PDHA2: variants seen among roughly 807,000 people sequenced by gnomAD.
PDHA2 encodes pyruvate dehydrogenase E1 component subunit alpha, testis-specific form, mitochondrial.
For missense variants in PDHA2, 533 were observed against 495.8 expected (o/e 1.07, Z -0.71); for synonymous variants, 188 against 185.9 (o/e 1.01, Z -0.09).
chr4:95,840,246 T>C lies in PDHA2; in HGVS notation c.96T>C (p.Ala32=), dbSNP rs1427918661. 1 of 1,614,086 alleles carries C rather than the reference T, an allele frequency of 6.2e-7. No individual in the cohort carries two copies. Among genetic ancestry groups the C allele is most frequent in the Non-Finnish European group, 8.5e-7 (1 of 1,179,896 alleles). ...CATCCCGTAACTCCTCAAATGACGCTACATTTGAAATTAAGAAATGTGATC... is the reference window on the plus strand; with the variant it reads ...CATCCCGTAACTCCTCAAATGACGCCACATTTGAAATTAAGAAATGTGATC... The part of the protein sequence containing the change: ...LVASRNSSND[A]TFEIKKCDLY... The change falls in exon 1 of 1, where the codon GCT becomes GCC. Residue 32 remains alanine, a synonymous_variant. Transcript: ENST00000295266.
chr4:95,840,214 C>T lies in PDHA2; in HGVS notation c.64C>T (p.Leu22=), dbSNP rs757182003. 3 of 1,614,130 alleles carry T rather than the reference C, an allele frequency of 1.9e-6. No homozygotes were observed. The highest frequency in any genetic ancestry group is 4.5e-5 in the East Asian group (2 of 44,860). Residue 22 remains leucine (L), a synonymous_variant, in exon 1 of 1, where the codon CTG becomes TTG. Coordinates refer to ENST00000295266, the MANE Select transcript of PDHA2 (RefSeq NM_005390.5). ...RVAQKSARRV[L]VASRNSSNDA... ...TGCCCAGAAATCAGCTCGCAGAGTG[C>T]TGGTGGCATCCCGTAACTCCTCAAA... is the stretch of plus-strand genomic sequence containing the variant.
rs371275508 is a variant in PDHA2 at position 95,840,477 on chromosome 4, G to A, written c.327G>A (p.Ser109=). 5.6e-6 allele frequency: 9 copies of A among 1,614,040 alleles called. No homozygotes were observed. The highest frequency in any genetic ancestry group is 1.7e-5 in the Admixed American group (1 of 60,004). ...CVGLEAGINP[S]DHVITSYRAH... is the part of the protein sequence containing the mutation. The stretch of plus-strand genomic sequence containing the variant: ...GCCTTGAGGCCGGCATAAACCCCTC[G>A]GATCACGTCATTACATCCTATAGGG... Residue 109 remains serine, a synonymous_variant, in exon 1 of 1, where the codon TCG becomes TCA. Transcript: ENST00000295266.
Position 95,841,443 on chromosome 4 carries a change from TAA to T in PDHA2, c.*129_*130del. The T allele has an allele frequency of 5.7e-6, 4 of 697,260 alleles. No homozygotes were observed. The highest frequency in any genetic ancestry group is 4.9e-6 in the Non-Finnish European group (2 of 408,176). The allele number at this position is 697,260 out of a possible 1,614,324, so 43.2% of individuals were successfully genotyped here. A position where few individuals can be genotyped will look rare whatever the true frequency, so the allele number is the denominator to read the frequency against. ...AAACAAAAGCCTTGTAAGCATTTAT[TAA>T]AAGAGATTATTAAAAGAGATTGAAA... On this transcript the variant is annotated 3_prime_UTR_variant, in exon 1 of 1. Coordinates refer to ENST00000295266, the MANE Select transcript of PDHA2 (RefSeq NM_005390.5).
rs763063009 is a variant in PDHA2, at chr4:95,840,736, G to A, written c.586G>A (p.Ala196Thr). ...CTGTTTGACTTTATATGGGGATGGC[G>A]CTGCGAATCAGGGGCAGATAGCCGA... ...EICLTLYGDG[A>T]ANQGQIAEAF... Residue 196 changes from alanine to threonine, a missense_variant, in exon 1 of 1, where the codon GCT becomes ACT. Ala to Thr is a moderately conservative substitution (Grantham distance 58). Transcript: ENST00000295266. 3 of 1,614,162 alleles carry A rather than the reference G, an allele frequency of 1.9e-6. No homozygotes were observed. The highest frequency in any genetic ancestry group is 2.2e-5 in the South Asian group (2 of 91,086).
In PDHA2 at chr4:95,840,985, C is replaced by T. The variant is rs1256929000; in HGVS notation, c.835C>T (p.Leu279=). The T allele has an allele frequency of 1.2e-6, 2 of 1,614,090 alleles. No individual in the cohort carries two copies. Among genetic ancestry groups the T allele is most frequent in the South Asian group, 1.1e-5 (1 of 91,084 alleles). Residue 279 remains leucine, a synonymous_variant, in exon 1 of 1, where the codon CTG becomes TTG. Coordinates refer to ENST00000295266, the MANE Select transcript of PDHA2 (RefSeq NM_005390.5). ...CTGTAGATCTGGAAAGGGGCCCATACTGATGGAGCTGCAAACCTACCGTTA... is the reference window on the plus strand; with the variant it reads ...CTGTAGATCTGGAAAGGGGCCCATATTGATGGAGCTGCAAACCTACCGTTA... ...NYCRSGKGPI[L]MELQTYRYHG...
chr4:95,840,297 T>C lies in PDHA2; in HGVS notation c.147T>C (p.Pro49=), dbSNP rs1489120213. 1.2e-6 allele frequency: 2 copies of C among 1,614,226 alleles called. No individual in the cohort carries two copies. Among genetic ancestry groups the C allele is most frequent in the Admixed American group, 3.3e-5 (2 of 60,028 alleles). The change falls in exon 1 of 1, where the codon CCT becomes CCC. Residue 49 remains proline (P), a synonymous_variant. Transcript: ENST00000295266. ...CDLYLLEEGP[P]VTTVLTRAEG... is the part of the protein sequence containing the mutation. ...TTTATCTGTTGGAAGAGGGTCCCCC[T>C]GTCACTACAGTGCTCACTAGGGCGG...
Position 95,840,575 on chromosome 4 carries a change from G to C in PDHA2, c.425G>C (p.Gly142Ala), listed in dbSNP as rs369750047. 6.2e-7 allele frequency: 1 copy of C among 1,614,202 alleles called. No homozygotes were observed. Among genetic ancestry groups the C allele is most frequent in the South Asian group, 1.1e-5 (1 of 91,088 alleles). ...ILAELTGRRG[G>A]CAKGKGGSMH... Reference sequence around the variant, plus strand: ...GCAGAGCTGACGGGAAGAAGAGGAGGTTGTGCTAAAGGAAAAGGAGGATCG... The same window carrying C: ...GCAGAGCTGACGGGAAGAAGAGGAGCTTGTGCTAAAGGAAAAGGAGGATCG... Residue 142 changes from glycine (G) to alanine (A), a missense_variant, in exon 1 of 1, where the codon GGT becomes GCT. Gly to Ala is a moderately conservative substitution (Grantham distance 60). Transcript: ENST00000295266.
chr4:95,841,370 CA>C lies in PDHA2; in HGVS notation c.*56del. On this transcript the variant is annotated 3_prime_UTR_variant, in exon 1 of 1. Coordinates refer to ENST00000295266, the MANE Select transcript of PDHA2 (RefSeq NM_005390.5). Reference sequence around the variant, plus strand: ...AGTCTCTCAATGGAATGTTCATGGTCAAATTTAAGAAACTGTGTTCTCAACT... The same window carrying C: ...AGTCTCTCAATGGAATGTTCATGGTCAATTTAAGAAACTGTGTTCTCAACT... 7.2e-7 allele frequency: 1 copy of C among 1,385,230 alleles called. No individual in the cohort carries two copies. Among genetic ancestry groups the C allele is most frequent in the Non-Finnish European group, 1.0e-6 (1 of 984,392 alleles). The allele number at this position is 1,385,230 out of a possible 1,614,324, so 85.8% of individuals were successfully genotyped here.
chr4:95,840,439 GCTTGTTGCGTGGGC>G lies in PDHA2; in HGVS notation c.294_307del (p.Cys98Ter). 6.2e-7 allele frequency: 1 copy of G among 1,614,234 alleles called. No individual in the cohort carries two copies. Among genetic ancestry groups the G allele is most frequent in the Non-Finnish European group, 8.5e-7 (1 of 1,180,052 alleles). On this transcript the variant is annotated frameshift_variant, in exon 1 of 1. Transcript: ENST00000295266. LOFTEE classifies it low-confidence loss of function (END_TRUNC). Reference sequence around the variant, plus strand: ...CTGTCACCTGTGCGATGGTCAGGAAGCTTGTTGCGTGGGCCTTGAGGCCGGCATAAACCCCTCGG... The same window carrying G: ...CTGTCACCTGTGCGATGGTCAGGAAGCTTGAGGCCGGCATAAACCCCTCGG...
rs1578313773 is a variant in PDHA2 at position 95,841,106 on chromosome 4, A to C, written c.956A>C (p.Gln319Pro). Residue 319 changes from glutamine to proline, a missense_variant, in exon 1 of 1, where the codon CAA becomes CCA. Coordinates refer to ENST00000295266, the MANE Select transcript of PDHA2 (RefSeq NM_005390.5). ...AAGAGGGATCCTATAATAATTCTCC[A>C]AGATAGAATGGTAAACAGCAAGCTC... The part of the protein sequence containing the change: ...RSKRDPIIIL[Q>P]DRMVNSKLAT... 5 of 1,614,154 alleles carry C rather than the reference A, an allele frequency of 3.1e-6. No homozygotes were observed. The highest frequency in any genetic ancestry group is 4.2e-6 in the Non-Finnish European group (5 of 1,179,988).
chr4:95,841,377 A>T lies in PDHA2; in HGVS notation c.*60A>T. On this transcript the variant is annotated 3_prime_UTR_variant, in exon 1 of 1. Coordinates refer to ENST00000295266, the MANE Select transcript of PDHA2 (RefSeq NM_005390.5). ...CAATGGAATGTTCATGGTCAAATTT[A>T]AGAAACTGTGTTCTCAACTCAAGGA... The T allele has an allele frequency of 7.5e-7, 1 of 1,336,866 alleles. No individual in the cohort carries two copies. The highest frequency in any genetic ancestry group is 1.1e-6 in the Non-Finnish European group (1 of 942,588). 82.8% of individuals were successfully genotyped at this position (1,336,866 alleles called of 1,614,324 possible). A position where few individuals can be genotyped will look rare whatever the true frequency, so the allele number is the denominator to read the frequency against.
In PDHA2 at chr4:95,841,398, A is replaced by C. The variant is rs1439077953; in HGVS notation, c.*81A>C. ...ATTTAAGAAACTGTGTTCTCAACTC[A>C]AGGAGGAATAAAACTCATAAAACAA... On this transcript the variant is annotated 3_prime_UTR_variant, in exon 1 of 1. Coordinates refer to ENST00000295266, the MANE Select transcript of PDHA2 (RefSeq NM_005390.5). 2.8e-6 allele frequency: 3 copies of C among 1,081,270 alleles called. No individual in the cohort carries two copies. The highest frequency in any genetic ancestry group is 4.1e-6 in the Non-Finnish European group (3 of 728,960). The allele number at this position is 1,081,270 out of a possible 1,614,324, so 67.0% of individuals were successfully genotyped here. A position where few individuals can be genotyped will look rare whatever the true frequency, so the allele number is the denominator to read the frequency against.
rs776756344 is a variant in PDHA2, at chr4:95,841,048, C to T, written c.898C>T (p.Arg300Cys). 6 of 1,614,032 alleles carry T rather than the reference C, an allele frequency of 3.7e-6. No homozygotes were observed. In the Admixed American group the frequency reaches 8.3e-5, roughly 22 times the overall value. Residue 300 changes from arginine to cysteine, a missense_variant, in exon 1 of 1, where the codon CGT becomes TGT. By Grantham distance (180) the Arg-to-Cys change is radical. Coordinates refer to ENST00000295266, the MANE Select transcript of PDHA2 (RefSeq NM_005390.5). ...HSMSDPGVSY[R>C]TREEIQEVRS... Reference sequence around the variant, plus strand: ...TATGAGTGATCCTGGAGTCAGTTATCGTACACGAGAAGAAATTCAGGAAGT... The same window carrying T: ...TATGAGTGATCCTGGAGTCAGTTATTGTACACGAGAAGAAATTCAGGAAGT...
rs904515852 is a variant in PDHA2, at chr4:95,840,855, A to G, written c.705A>G (p.Ala235=). ...TGGGAACATCTACTGAGAGAGCAGC[A>G]GCCAGCCCTGATTACTACAAGAGGG... The part of the protein sequence containing the change: ...YGMGTSTERA[A]ASPDYYKRGN... The change falls in exon 1 of 1, where the codon GCA becomes GCG. Residue 235 remains alanine (A), a synonymous_variant. Transcript: ENST00000295266. The G allele has an allele frequency of 6.2e-7, 1 of 1,613,970 alleles. No homozygotes were observed. Among genetic ancestry groups the G allele is most frequent in the African/African-American group, 1.3e-5 (1 of 74,940 alleles).
In PDHA2 at chr4:95,841,232, A is replaced by G. The variant is rs530617720; in HGVS notation, c.1082A>G (p.Glu361Gly). 27 of 1,614,172 alleles carry G rather than the reference A, an allele frequency of 1.7e-5. No homozygotes were observed. In the East Asian group the frequency reaches 1.8e-4, roughly 11 times the overall value. Residue 361 changes from glutamate (E) to glycine (G), a missense_variant, in exon 1 of 1, where the codon GAA becomes GGA. Coordinates refer to ENST00000295266, the MANE Select transcript of PDHA2 (RefSeq NM_005390.5). ...ATTDPEPHLE[E>G]LGHHIYSSDS... ...ACTGATCCTGAGCCACATTTGGAAGAATTAGGCCATCACATCTACAGCAGT... is the reference window on the plus strand; with the variant it reads ...ACTGATCCTGAGCCACATTTGGAAGGATTAGGCCATCACATCTACAGCAGT...
Position 95,840,109 on chromosome 4 carries a change from G to A in PDHA2, c.-42G>A, listed in dbSNP as rs753952426. On this transcript the variant is annotated 5_prime_UTR_variant, in exon 1 of 1. Transcript: ENST00000295266. ...GCCGAGGCCAGGCCTTCCGGCGGTCGTTACGGGACGCCGCTGCCATCTACA... is the reference window on the plus strand; with the variant it reads ...GCCGAGGCCAGGCCTTCCGGCGGTCATTACGGGACGCCGCTGCCATCTACA... 5.2e-6 allele frequency: 8 copies of A among 1,528,840 alleles called. No individual in the cohort carries two copies. Among genetic ancestry groups the A allele is most frequent in the South Asian group, 5.1e-5 (4 of 78,208 alleles). The allele number at this position is 1,528,840 out of a possible 1,614,324, so 94.7% of individuals were successfully genotyped here. A position where few individuals can be genotyped will look rare whatever the true frequency, so the allele number is the denominator to read the frequency against.
At position 95,840,286 on chromosome 4, in the gene PDHA2, G is replaced by A; in HGVS notation, c.136G>A (p.Glu46Lys). 6.2e-7 allele frequency: 1 copy of A among 1,614,242 alleles called. No homozygotes were observed. The highest frequency in any genetic ancestry group is 8.5e-7 in the Non-Finnish European group (1 of 1,180,048). The change falls in exon 1 of 1, where the codon GAG becomes AAG. Residue 46 changes from glutamate to lysine, a missense_variant. Physicochemically the swap from Glu to Lys is moderately conservative, Grantham distance 56. Transcript: ENST00000295266. Reference sequence around the variant, plus strand: ...GAAATGTGATCTTTATCTGTTGGAAGAGGGTCCCCCTGTCACTACAGTGCT... The same window carrying A: ...GAAATGTGATCTTTATCTGTTGGAAAAGGGTCCCCCTGTCACTACAGTGCT... ...IKKCDLYLLE[E>K]GPPVTTVLTR...
In PDHA2 at chr4:95,840,191, C is replaced by T. The variant is rs532403404; in HGVS notation, c.41C>T (p.Ala14Val). The T allele has an allele frequency of 1.9e-6, 3 of 1,613,858 alleles. No homozygotes were observed. The highest frequency in any genetic ancestry group is 1.1e-5 in the South Asian group (1 of 91,014). The change falls in exon 1 of 1, where the codon GCC (alanine) becomes GTC (valine). Residue 14 changes from alanine (A) to valine (V), a missense_variant. Coordinates refer to ENST00000295266, the MANE Select transcript of PDHA2 (RefSeq NM_005390.5). ...AFISRVLRRV[A>V]QKSARRVLVA... ...ATCTCCCGCGTGTTGAGGCGAGTTG[C>T]CCAGAAATCAGCTCGCAGAGTGCTG...
chr4:95,840,429 T>TG lies in PDHA2; in HGVS notation c.281dup (p.Gln95SerfsTer9). The TG allele has an allele frequency of 1.2e-6, 2 of 1,614,222 alleles. No individual in the cohort carries two copies. Among genetic ancestry groups the TG allele is most frequent in the Non-Finnish European group, 1.7e-6 (2 of 1,180,036 alleles). On this transcript the variant is annotated frameshift_variant, in exon 1 of 1. Coordinates refer to ENST00000295266, the MANE Select transcript of PDHA2 (RefSeq NM_005390.5). LOFTEE classifies it low-confidence loss of function (END_TRUNC). ...TTCGCGGTTTCTGTCACCTGTGCGA[T>TG]GGTCAGGAAGCTTGTTGCGTGGGCC...
Sources: gnomAD v4.1 joint callset for allele counts on GRCh38, gnomAD v4.1.1 for gene constraint, MANE v1.5 for transcripts, NCBI Gene and HGNC (gene_info 2026-07-23, HGNC 2026-07-21) for gene names.